Variants in RTL4 observed in about 807,000 individuals in gnomAD.
RTL4 encodes retrotransposon Gag like 4.
A neutral mutation model predicts 5.3 loss-of-function variants in RTL4; 4 were observed. That is an observed-to-expected ratio of 0.75 (90% confidence interval 0.37 to 1.72). RTL4 has a LOEUF of 1.72. Among genes scored for constraint, RTL4 ranks in the 40% most tolerant of loss-of-function variants. RTL4 has a pLI of 0.04. For missense variants in RTL4, 260 were observed against 227.1 expected (o/e 1.14, Z -0.93); for synonymous variants, 98 against 87.3 (o/e 1.12, Z -0.68).
At chrX:112,440,060 G>A in the RTL4 span, among the ~76,000 whole-genome samples, 1 of 111,541 alleles carries the variant, frequency 9.0e-6, no homozygotes, top group African/African-American at 3.3e-5. Context: ...GGAAGAAAGA[G>A]GAACACAAAT....
At chrX:112,447,734 C>T in the RTL4 span, among the ~76,000 whole-genome samples, 1 of 111,652 alleles carries the variant, frequency 9.0e-6, no homozygotes, top group Admixed American at 9.5e-5. Context: ...GGAATGTTAC[C>T]AATTATTAAG....
the RTL4 span, among the ~76,000 whole-genome samples, chrX:112,191,595 C>A: frequency 8.9e-6 from 1 of 112,026 alleles, no homozygotes; most frequent in African/African-American, 3.2e-5. Context: ...TACTGAAATT[C>A]TGACTGCATT....
the RTL4 span, among the ~76,000 whole-genome samples, chrX:112,294,819 A>G: frequency 9.0e-6 from 1 of 111,356 alleles, no homozygotes; most frequent in Non-Finnish European, 1.9e-5. Context: ...TTTCATTAGC[A>G]CTTAGCAAGC....
the RTL4 span, among the ~76,000 whole-genome samples, chrX:112,358,762 A>C: frequency 9.0e-6 from 1 of 111,380 alleles, no homozygotes; most frequent in Non-Finnish European, 1.9e-5. Context: ...AAGACAAAGC[A>C]TTTTTTCCAG....
At chrX:112,170,062 A>G in the RTL4 span, among the ~76,000 whole-genome samples, 4 of 111,981 alleles carry the variant, frequency 3.6e-5, no homozygotes, top group African/African-American at 9.7e-5. Context: ...GAAGATCAGA[A>G]GGTTGTAGGT....
chrX:112,128,090 A>T, the RTL4 span, among the ~76,000 whole-genome samples: 1 of 111,810 alleles, frequency 8.9e-6, no homozygotes, highest in Admixed American at 9.5e-5. Context: ...AGGATTTACA[A>T]GGGGCCTTAA....
chrX:112,305,329 GTATTTTATTT>G, the RTL4 span, among the ~76,000 whole-genome samples: 37 of 105,204 alleles, frequency 3.5e-4, no homozygotes, highest in East Asian at 5.0e-3. Context: ...GCTAATTTTT[GTATTTTATTT>G]TATTTTATTT....
chrX:112,203,725 A>G, the RTL4 span, among the ~76,000 whole-genome samples: 3 of 111,742 alleles, frequency 2.7e-5, no homozygotes, highest in Admixed American at 2.9e-4. Context: ...TGTTGAGGTT[A>G]TTTTAGCTAT....
the RTL4 span, among the ~76,000 whole-genome samples, chrX:112,371,978 T>G: frequency 8.9e-6 from 1 of 112,265 alleles, no homozygotes; most frequent in Non-Finnish European, 1.9e-5. Context: ...AAATTGCTAT[T>G]ATTTGAGGTA....
chrX:112,335,417 A>G, the RTL4 span, among the ~76,000 whole-genome samples: 1 of 111,590 alleles, frequency 9.0e-6, no homozygotes. Context: ...TGCCATTTCA[A>G]TTGTTTAAAA....
At chrX:112,236,592 C>T in the RTL4 span, among the ~76,000 whole-genome samples, 172 of 102,974 alleles carry the variant, frequency 1.7e-3, no homozygotes, top group African/African-American at 5.9e-3. Context: ...AAAGGGATCC[C>T]TTTTAGAGAA....
the RTL4 span, among the ~76,000 whole-genome samples, chrX:112,276,199 G>T: frequency 9.0e-6 from 1 of 111,690 alleles, no homozygotes; most frequent in African/African-American, 3.3e-5. Context: ...TCTTTGCTAA[G>T]ACGTGTTAGT....
chrX:112,430,138 C>T, the RTL4 span, among the ~76,000 whole-genome samples: 4 of 111,098 alleles, frequency 3.6e-5, no homozygotes, highest in South Asian at 1.1e-3. Flanking sequence ...TGCATTTGTT[C>T]TTTTCTCTTT....
chrX:112,148,603 C>T, the RTL4 span, among the ~76,000 whole-genome samples: 1 of 111,775 alleles, frequency 8.9e-6, no homozygotes, highest in African/African-American at 3.2e-5. Context: ...ATCCTCCCTT[C>T]ACCTGCAGCA....
chrX:112,155,431 G>C, the RTL4 span, among the ~76,000 whole-genome samples: 4 of 111,234 alleles, frequency 3.6e-5, no homozygotes, highest in African/African-American at 1.3e-4. Context: ...GTCTGAGTTA[G>C]GTAAAATAAA....
At chrX:112,215,857 T>A in the RTL4 span, among the ~76,000 whole-genome samples, 1 of 111,830 alleles carries the variant, frequency 8.9e-6, no homozygotes, top group Non-Finnish European at 1.9e-5. Flanking sequence ...TTAGTTTTTT[T>A]AAGAACTGCT....
chrX:112,088,097 C>T, the RTL4 span, among the ~76,000 whole-genome samples: 17 of 108,735 alleles, frequency 1.6e-4, no homozygotes, highest in East Asian at 2.9e-4. Flanking sequence ...GCTATCCTCC[C>T]ACCTCTGCCT....
chrX:112,169,634 G>T, the RTL4 span, among the ~76,000 whole-genome samples: 1 of 111,699 alleles, frequency 9.0e-6, no homozygotes, highest in East Asian at 2.8e-4. Flanking sequence ...TCCAAGCACT[G>T]GGGCAGACTT....
At chrX:112,371,929 AG>A in the RTL4 span, among the ~76,000 whole-genome samples, 17 of 112,215 alleles carry the variant, frequency 1.5e-4, no homozygotes, top group African/African-American at 5.2e-4. Flanking sequence ...CCACTAAGCA[AG>A]TTACATATAT....
Sources: allele counts gnomAD v4.1 joint callset (sites outside exome capture counted in the v4.1 genomes callset), GRCh38; gene constraint gnomAD v4.1.1; transcripts MANE v1.5; gene names NCBI Gene and HGNC (gene_info 2026-07-23, HGNC 2026-07-21).